WFS1: variants seen among roughly 807,000 people sequenced by gnomAD.
WFS1 encodes the protein wolframin.
A neutral mutation model predicts 68.5 loss-of-function variants in WFS1; 90 were observed. That is an observed-to-expected ratio of 1.31 (90% CI 1.11 to 1.56). WFS1 has a LOEUF of 1.56. WFS1 is among the 40% of genes most tolerant of loss of function. WFS1 has a pLI of 0.00. For missense variants in WFS1, 1,767 were observed against 1,232.6 expected, an observed-to-expected ratio of 1.43 and a Z score of -6.49; for synonymous variants, 860 against 540.7, an observed-to-expected ratio of 1.59 and a Z score of -8.19.
At chr4:6,286,298 G>C (rs1237207934) in intron 2 of WFS1, among the ~76,000 whole-genome samples, 1 of 152,180 alleles carries the variant, frequency 6.6e-6, no homozygotes, top group Admixed American at 6.5e-5. Context: ...TGAATCATGA[G>C]CGATGGCTTT....
intron 7 of WFS1, among the ~76,000 whole-genome samples, chr4:6,295,756 AGGAAAGC>A (rs372072253): frequency 5.3e-5 from 8 of 152,266 alleles, no homozygotes; most frequent in African/African-American, 1.9e-4. Flanking sequence ...TGGCGGCAGG[AGGAAAGC>A]GGGGAGCGGG....
At chr4:6,275,177 C>T (rs982358088) in intron 1 of WFS1, among the ~76,000 whole-genome samples, 5 of 152,202 alleles carry the variant, frequency 3.3e-5, no homozygotes, top group Non-Finnish European at 7.3e-5. Context: ...GATGCCCTGG[C>T]GTAGGTCAGC....
chr4:6,285,412 G>A (rs1379550268), intron 2 of WFS1, among the ~76,000 whole-genome samples: 3 of 150,812 alleles, frequency 2.0e-5, no homozygotes, highest in Non-Finnish European at 4.4e-5. Flanking sequence ...AGGGAGGGGG[G>A]CTTCCAGGGA....
rs1731019583 is a variant in WFS1, at chr4:6,303,002, C to G, written c.*534C>G. 1 of 167,340 alleles carries G rather than the reference C, an allele frequency of 6.0e-6. No homozygotes were observed. The highest frequency in any genetic ancestry group is 2.4e-5 in the African/African-American group (1 of 41,648). The allele number at this position is 167,340 out of a possible 1,614,324, so 10.4% of individuals were successfully genotyped here. Reference sequence around the variant, plus strand: ...GGTCAAGGCCCGGCCCCATCAGAGGCTGGGGGAGGCGGCACATTGGCAGTG... The same window carrying G: ...GGTCAAGGCCCGGCCCCATCAGAGGGTGGGGGAGGCGGCACATTGGCAGTG... On this transcript the variant is annotated 3_prime_UTR_variant, in exon 8 of 8. Transcript: ENST00000226760.
At position 6,295,139 on chromosome 4, in the gene WFS1, G is replaced by A. The variant is rs1279744998; in HGVS notation, c.811G>A (p.Asp271Asn). 1.9e-6 allele frequency: 3 copies of A among 1,613,038 alleles called. No homozygotes were observed. The highest frequency in any genetic ancestry group is 2.2e-5 in the South Asian group (2 of 91,080). ...CCTGTTCCTGCAGGACGACGAAGAT[G>A]ATGACGAGCTGGCGGGGAAGAGCCC... Reference protein sequence around the residue: ...SSLFLQDDEDDDELAGKSPED... With the variant: ...SSLFLQDDEDNDELAGKSPED... Residue 271 changes from aspartate to asparagine, a missense_variant, in exon 7 of 8, where the codon GAT becomes AAT. By Grantham distance (23) the Asp-to-Asn change is conservative. Transcript: ENST00000226760.
intron 7 of WFS1, among the ~76,000 whole-genome samples, chr4:6,296,670 T>A (rs1247557815): frequency 6.6e-6 from 1 of 152,244 alleles, no homozygotes; most frequent in Non-Finnish European, 1.5e-5. Flanking sequence ...GAGAAGACCC[T>A]TGGGCCAGGC....
intron 2 of WFS1, among the ~76,000 whole-genome samples, chr4:6,279,947 C>T (rs1371247512): frequency 6.6e-6 from 1 of 152,264 alleles, no homozygotes; most frequent in Admixed American, 6.5e-5. Context: ...TCAGAAACGT[C>T]ACTGGGCTGG....
At chr4:6,282,020 G>A (rs1039765341) in intron 2 of WFS1, among the ~76,000 whole-genome samples, 3 of 152,220 alleles carry the variant, frequency 2.0e-5, no homozygotes, top group East Asian at 1.9e-4. Context: ...ATGGGTGGAC[G>A]TGCTCGTTCT....
chr4:6,295,004 G>T, intron 6 of WFS1, 37 bp from the exon 7 acceptor site: 1 of 1,612,462 alleles, frequency 6.2e-7, no homozygotes, highest in Non-Finnish European at 8.5e-7. Flanking sequence ...TGGGGCTGCA[G>T]TGTGGGGCGC....
chr4:6,301,006 C>G lies in WFS1; in HGVS notation c.1211C>G (p.Pro404Arg), dbSNP rs935411471. 6.2e-7 allele frequency: 1 copy of G among 1,613,996 alleles called. No individual in the cohort carries two copies. The highest frequency in any genetic ancestry group is 1.3e-5 in the African/African-American group (1 of 75,014). Residue 404 changes from proline to arginine, a missense_variant, in exon 8 of 8, where the codon CCC (proline) becomes CGC (arginine). By Grantham distance (103) the Pro-to-Arg change is moderately radical. Transcript: ENST00000226760. ...EVNFGWNHLE[P>R]YAHFLLSVFF... is the part of the protein sequence containing the mutation. ...AACTTCGGCTGGAACCACCTGGAGC[C>G]CTATGCCCATTTCCTGCTCTCTGTC... is the stretch of plus-strand genomic sequence containing the variant.
rs1730343418 is a variant in WFS1, at chr4:6,287,307, A to G, written c.315+132A>G. 3 of 789,062 alleles carry G rather than the reference A, an allele frequency of 3.8e-6. No homozygotes were observed. The East Asian group carries it at 8.1e-5, about 21-fold the overall frequency. The allele number at this position is 789,062 out of a possible 1,614,324, so 48.9% of individuals were successfully genotyped here. On this transcript the variant is annotated intron_variant, in intron 3 of 7. Coordinates refer to ENST00000226760, the MANE Select transcript of WFS1 (RefSeq NM_006005.3). This position sits in a 1 kb window ranked among gnomAD's most constrained non-coding sequence, Gnocchi z 6.4. ...GTCAGGAGCCAGCGTGGTGCACCCTACCCCACTTGAGCCCCATGTTGGTAG... is the reference window on the plus strand; with the variant it reads ...GTCAGGAGCCAGCGTGGTGCACCCTGCCCCACTTGAGCCCCATGTTGGTAG...
intron 2 of WFS1, among the ~76,000 whole-genome samples, chr4:6,281,789 C>T (rs1260462598): frequency 3.9e-5 from 6 of 152,140 alleles, no homozygotes; most frequent in South Asian, 2.1e-4. Context: ...GCAGCTGTCA[C>T]GCCTGTTCTT....
At chr4:6,272,242 T>C (rs893428362) in intron 1 of WFS1, among the ~76,000 whole-genome samples, 4 of 152,166 alleles carry the variant, frequency 2.6e-5, no homozygotes, top group Admixed American at 2.6e-4. Flanking sequence ...CCCAGCACAG[T>C]GCTTGGCACA....
chr4:6,277,437 G>T lies in WFS1; in HGVS notation c.-5-14G>T. 1 of 1,550,606 alleles carries T rather than the reference G, an allele frequency of 6.4e-7. No homozygotes were observed. Among genetic ancestry groups the T allele is most frequent in the South Asian group, 1.2e-5 (1 of 84,088 alleles). ...GCCGGTGCTGGATGTGCCTGACCTT[G>T]ACTTTTCTTCCAGGCAGGATGGACT... On this transcript the variant is annotated splice_polypyrimidine_tract_variant and intron_variant, in intron 1 of 7. Coordinates refer to ENST00000226760, the MANE Select transcript of WFS1 (RefSeq NM_006005.3).
Position 6,295,174 on chromosome 4 carries a change from G to A in WFS1, c.846G>A (p.Leu282=). 1 of 1,611,916 alleles carries A rather than the reference G, an allele frequency of 6.2e-7. No homozygotes were observed. The highest frequency in any genetic ancestry group is 2.2e-5 in the East Asian group (1 of 44,886). Residue 282 remains leucine, a synonymous_variant, in exon 7 of 8, where the codon CTG becomes CTA. Transcript: ENST00000226760. ...TGGCGGGGAAGAGCCCTGAGGACCT[G>A]CCACTGCGTCTGAAGGTGAGTGACC... is the stretch of plus-strand genomic sequence containing the variant. The part of the protein sequence containing the change: ...DELAGKSPED[L]PLRLKVVKYP...
intron 4 of WFS1, among the ~76,000 whole-genome samples, chr4:6,289,998 G>C (rs760466777): frequency 2.7e-4 from 41 of 152,292 alleles, no homozygotes; most frequent in African/African-American, 9.6e-4. Context: ...GAGTGCAGGG[G>C]TGCGATCTCA....
intron 7 of WFS1, among the ~76,000 whole-genome samples, chr4:6,298,247 AT>A (rs1329815113): frequency 6.6e-6 from 1 of 152,160 alleles, no homozygotes; most frequent in Non-Finnish European, 1.5e-5. Context: ...GTAGCTGTTG[AT>A]TTTAGCCAGC....
rs538929016 is a variant in WFS1 at position 6,299,562 on chromosome 4, GT to G, written c.862-1094del. ...GGGTTGTGTGAATGTGTGTGTAGGG[GT>G]GGGTTGCGTGTGTGTGAATGTGTGT... On this transcript the variant is annotated intron_variant, in intron 7 of 7. Transcript: ENST00000226760. Among the ~76,000 whole-genome samples, 98 of 99,682 alleles carry G rather than the reference GT, an allele frequency of 9.8e-4. 5 individuals carry two copies. The highest frequency in any genetic ancestry group is 6.3e-3 in the Middle Eastern group (1 of 160). The allele number at this position is 99,682 out of a possible 152,430, so 65.4% of individuals were successfully genotyped here. A position where few individuals can be genotyped will look rare whatever the true frequency, so the allele number is the denominator to read the frequency against.
intron 2 of WFS1, 136 bp downstream of exon 2, chr4:6,277,823 C>A: frequency 9.4e-7 from 1 of 1,060,150 alleles, no homozygotes; most frequent in Non-Finnish European, 1.4e-6. Flanking sequence ...ATGCTGTGCA[C>A]AGGCGTCCAT....
Sources: gnomAD v4.1 joint callset for allele counts (sites outside exome capture counted in the v4.1 genomes callset) on GRCh38, gnomAD v4.1.1 for gene constraint, Gnocchi (gnomAD v3.1) non-coding constraint, MANE v1.5 for transcripts, NCBI Gene and HGNC (gene_info 2026-07-23, HGNC 2026-07-21) for gene names.